BRINP1: variants seen among roughly 807,000 people sequenced by gnomAD.
BRINP1 encodes BMP/retinoic acid-inducible neural-specific protein 1.
Under a neutral mutation model 72.9 loss-of-function variants are expected in BRINP1, and 17 were observed. That is an observed-to-expected ratio of 0.23 (90% CI 0.16 to 0.35). BRINP1 has a LOEUF of 0.35. Among genes scored for constraint, BRINP1 ranks in the 10% least tolerant of loss-of-function variants. The probability of loss-of-function intolerance (pLI) is 1.00; values close to 1 mark genes in which losing one functional copy is unlikely to be tolerated. For missense variants in BRINP1, 850 were observed against 1,001.6 expected, an observed-to-expected ratio of 0.85 and a Z score of 2.04; for synonymous variants, 418 against 378.5, an observed-to-expected ratio of 1.10 and a Z score of -1.21.
Position 119,368,368 on chromosome 9 carries a change from ATGTCTCT to A in BRINP1, c.-51+681_-51+687del, listed in dbSNP as rs777507557. Among the ~76,000 whole-genome samples, 10 of 152,056 alleles carry A rather than the reference ATGTCTCT, an allele frequency of 6.6e-5. No homozygotes were observed. In the East Asian group the frequency reaches 7.7e-4, roughly 12 times the overall value. The stretch of plus-strand genomic sequence containing the variant: ...GTCTCATTTGCCTCGGGGGTTGGCC[ATGTCTCT>A]TTCATATTAAGCTGTGGGTCCCAGT... On this transcript the variant is annotated intron_variant, in intron 1 of 7. Transcript: ENST00000265922. The surrounding 1 kb of genome is among the most constrained non-coding windows in gnomAD (Gnocchi z 4.7).
At position 119,295,753 on chromosome 9, in the gene BRINP1, G is replaced by A. The variant is rs558821614; in HGVS notation, c.218+17385C>T. 7.9e-5 allele frequency among the ~76,000 whole-genome samples: 12 copies of A among 152,212 alleles called. No homozygotes were observed. In the South Asian group the frequency reaches 1.5e-3, roughly 18 times the overall value. On this transcript the variant is annotated intron_variant, in intron 2 of 7. Transcript: ENST00000265922. ...AAACCTGGGCATGTATTGTCAATTC[G>A]TCTTCAACAAGGGTTCCAACCACAC...
intron 6 of BRINP1, among the ~76,000 whole-genome samples, chr9:119,211,679 A>T (rs1829930355): frequency 6.6e-6 from 1 of 152,200 alleles, no homozygotes; most frequent in African/African-American, 2.4e-5. Flanking sequence ...TGAGTAGCGA[A>T]GGTTAAGGGC....
chr9:119,312,912 C>T (rs1010447954), intron 2 of BRINP1, among the ~76,000 whole-genome samples: 1 of 152,126 alleles, frequency 6.6e-6, no homozygotes, highest in African/African-American at 2.4e-5. Flanking sequence ...GCCCCCTGCC[C>T]AGCATATAAA....
At chr9:119,196,030 C>T (rs1247431783) in intron 7 of BRINP1, among the ~76,000 whole-genome samples, 1 of 152,188 alleles carries the variant, frequency 6.6e-6, no homozygotes, top group African/African-American at 2.4e-5. Context: ...ATTTTCTAAA[C>T]TTATTCAAAC....
At chr9:119,268,281 T>TAGAC (rs1438675097) in intron 2 of BRINP1, among the ~76,000 whole-genome samples, 7 of 146,462 alleles carry the variant, frequency 4.8e-5, no homozygotes, top group Non-Finnish European at 7.6e-5. Flanking sequence ...GATAGATAGA[T>TAGAC]AGATAGATAG....
intron 1 of BRINP1, among the ~76,000 whole-genome samples, chr9:119,315,282 A>G (rs1161067405): frequency 6.6e-6 from 1 of 151,408 alleles, no homozygotes; most frequent in Non-Finnish European, 1.5e-5. Context: ...ATGTGTGCTC[A>G]CTTTGTGTCT....
chr9:119,313,681 G>A (rs1405418918), intron 1 of BRINP1, among the ~76,000 whole-genome samples: 1 of 152,116 alleles, frequency 6.6e-6, no homozygotes, highest in Admixed American at 6.6e-5. Flanking sequence ...GTCTATTATG[G>A]ATGCAGTTTT....
At chr9:119,175,113 A>G (rs1474159647) in intron 7 of BRINP1, among the ~76,000 whole-genome samples, 1 of 141,664 alleles carries the variant, frequency 7.1e-6, no homozygotes, top group Non-Finnish European at 1.5e-5. Context: ...AACTTAAAGT[A>G]AAGTATAAAA....
At chr9:119,268,179 G>A (rs1259078236) in intron 2 of BRINP1, among the ~76,000 whole-genome samples, 1 of 151,986 alleles carries the variant, frequency 6.6e-6, no homozygotes, top group African/African-American at 2.4e-5. Flanking sequence ...GAAGGTGGTG[G>A]TTGCAGTGAG....
intron 5 of BRINP1, among the ~76,000 whole-genome samples, chr9:119,222,940 C>A (rs1382051766): frequency 6.6e-6 from 1 of 151,842 alleles, no homozygotes; most frequent in Non-Finnish European, 1.5e-5. Flanking sequence ...TGATACAAAC[C>A]AAATTTGGTA....
intron 1 of BRINP1, among the ~76,000 whole-genome samples, chr9:119,347,038 C>A (rs1465994710): frequency 6.6e-6 from 1 of 152,146 alleles, no homozygotes; most frequent in Non-Finnish European, 1.5e-5. Flanking sequence ...GAAAGTTGCC[C>A]ACATAGACTT....
intron 3 of BRINP1, 27 bp from the exon 4 acceptor site, chr9:119,242,243 A>T: frequency 6.2e-7 from 1 of 1,608,156 alleles, no homozygotes; most frequent in Non-Finnish European, 8.5e-7. Context: ...AGTAGATAAG[A>T]AGGTTTGTGG....
At chr9:119,247,799 T>G (rs1830339493) in intron 3 of BRINP1, among the ~76,000 whole-genome samples, 1 of 152,214 alleles carries the variant, frequency 6.6e-6, no homozygotes, top group African/African-American at 2.4e-5. Context: ...CTCAGCTTCC[T>G]TATTTATAAA....
At chr9:119,296,970 G>A (rs1830886924) in intron 2 of BRINP1, among the ~76,000 whole-genome samples, 1 of 152,114 alleles carries the variant, frequency 6.6e-6, no homozygotes, top group African/African-American at 2.4e-5. Context: ...AGTTAAAAAT[G>A]CTATATTATA....
At chr9:119,273,800 T>G (rs922234996) in intron 2 of BRINP1, among the ~76,000 whole-genome samples, 1 of 152,192 alleles carries the variant, frequency 6.6e-6, no homozygotes, top group Non-Finnish European at 1.5e-5. Flanking sequence ...TAGGTATTAG[T>G]AAAGCCAAGA....
chr9:119,295,203 T>C (rs1047942302), intron 2 of BRINP1, among the ~76,000 whole-genome samples: 3 of 152,140 alleles, frequency 2.0e-5, no homozygotes, highest in Non-Finnish European at 4.4e-5. Flanking sequence ...GTTATGAGAC[T>C]GGCTAATTTT....
At chr9:119,318,638 T>C (rs754426697) in intron 1 of BRINP1, among the ~76,000 whole-genome samples, 8 of 152,100 alleles carry the variant, frequency 5.3e-5, no homozygotes, top group Non-Finnish European at 1.0e-4. Context: ...AGGCGATTGT[T>C]GGGAGATCCT....
At chr9:119,236,121 AT>A (rs759266382) in intron 5 of BRINP1, among the ~76,000 whole-genome samples, 16 of 152,134 alleles carry the variant, frequency 1.1e-4, no homozygotes, top group South Asian at 2.1e-4. Flanking sequence ...GCAGCAAGTA[AT>A]TTTTGCTTCA....
At chr9:119,175,516 A>G (rs568709561) in intron 7 of BRINP1, among the ~76,000 whole-genome samples, 1 of 152,024 alleles carries the variant, frequency 6.6e-6, no homozygotes, top group African/African-American at 2.4e-5. Context: ...AACTTAGAGT[A>G]TAATAAAAAA....
Sources: allele counts gnomAD v4.1 joint callset (sites outside exome capture counted in the v4.1 genomes callset), GRCh38; gene constraint gnomAD v4.1.1; non-coding constraint Gnocchi (gnomAD v3.1); transcripts MANE v1.5; gene names NCBI Gene and HGNC (gene_info 2026-07-23, HGNC 2026-07-21).